GABBR1: variants seen among roughly 807,000 people sequenced by gnomAD.
GABBR1 encodes the protein GABA-B receptor, R1 subunit.
A neutral mutation model predicts 117.7 loss-of-function variants in GABBR1; 35 were observed. That is an observed-to-expected ratio of 0.30 (90% confidence interval 0.23 to 0.39). GABBR1 has a LOEUF of 0.39. GABBR1 is among the 10% of genes least tolerant of loss of function. The probability of loss-of-function intolerance (pLI) is 1.00; values close to 1 mark genes in which losing one functional copy is unlikely to be tolerated. For missense variants in GABBR1, 709 were observed against 1,241.8 expected (o/e 0.57, Z 6.45); for synonymous variants, 442 against 486.6 (o/e 0.91, Z 1.21).
chr6:29,631,375 G>A lies in GABBR1; in HGVS notation c.289+21C>T. The A allele has an allele frequency of 1.9e-6, 3 of 1,610,986 alleles. No individual in the cohort carries two copies. Among genetic ancestry groups the A allele is most frequent in the East Asian group, 2.2e-5 (1 of 44,852 alleles). On this transcript the variant is annotated intron_variant, in intron 3 of 22. Transcript: ENST00000377034. This position sits in a 1 kb window ranked among gnomAD's most constrained non-coding sequence, Gnocchi z 5.9. Reference sequence around the variant, plus strand: ...AAAAGGAATAGTCTTGAAGAGGGGAGGGGCTTCCGAGGCTACTCACCACAG... The same window carrying A: ...AAAAGGAATAGTCTTGAAGAGGGGAAGGGCTTCCGAGGCTACTCACCACAG...
chr6:29,629,125 G>C lies in GABBR1; in HGVS notation c.476-18C>G, dbSNP rs759090902. On this transcript the variant is annotated intron_variant, in intron 4 of 22. Coordinates refer to ENST00000377034, the MANE Select transcript of GABBR1 (RefSeq NM_001470.4). ...TCGATTCACTGGCAGCAGGAAAGAC[G>C]GGGATCAGAGAAGAGTTACCACTGG... The C allele has an allele frequency of 2.5e-6, 4 of 1,612,924 alleles. No homozygotes were observed. The highest frequency in any genetic ancestry group is 1.1e-5 in the South Asian group (1 of 91,080).
At chr6:29,616,516 T>C (rs1046686411) in intron 11 of GABBR1, among the ~76,000 whole-genome samples, 1 of 150,244 alleles carries the variant, frequency 6.7e-6, no homozygotes, top group African/African-American at 2.5e-5. Flanking sequence ...AAACCCCATG[T>C]CCACTAAAAA....
In GABBR1 at chr6:29,607,081, G is replaced by A. The variant is rs1282143971; in HGVS notation, c.2109+21C>T. The A allele has an allele frequency of 1.2e-6, 2 of 1,609,344 alleles. No individual in the cohort carries two copies. Among genetic ancestry groups the A allele is most frequent in the African/African-American group, 1.3e-5 (1 of 74,940 alleles). ...CCCAGGAGCCAAGGATCTGGGGGCT[G>A]AGGATTGGGCAGCAGCTCACCTTCC... On this transcript the variant is annotated intron_variant, in intron 17 of 22. Transcript: ENST00000377034. The surrounding 1 kb of genome is among the most constrained non-coding windows in gnomAD (Gnocchi z 5.0).
At chr6:29,610,220 C>G (rs1055099393) in intron 14 of GABBR1, among the ~76,000 whole-genome samples, 5 of 152,134 alleles carry the variant, frequency 3.3e-5, no homozygotes, top group Non-Finnish European at 7.4e-5. Flanking sequence ...CTTTTGTCCA[C>G]CTTCAGTTTC....
Position 29,630,213 on chromosome 6 carries a change from T to A in GABBR1, c.475+245A>T, listed in dbSNP as rs1764811936. On this transcript the variant is annotated intron_variant, in intron 4 of 22. Coordinates refer to ENST00000377034, the MANE Select transcript of GABBR1 (RefSeq NM_001470.4). The surrounding 1 kb of genome is among the most constrained non-coding windows in gnomAD (Gnocchi z 4.9). ...AAAGAGAAAACGTGAGGTCTAAGAA[T>A]CGGGAGCAGGAAGATTTTTTTAAAA... 2.3e-6 allele frequency: 1 copy of A among 442,780 alleles called. No individual in the cohort carries two copies. Among genetic ancestry groups the A allele is most frequent in the Non-Finnish European group, 4.0e-6 (1 of 248,690 alleles). 27.4% of individuals were successfully genotyped at this position (442,780 alleles called of 1,614,324 possible).
At chr6:29,629,514 G>A (rs1764741871) in intron 4 of GABBR1, among the ~76,000 whole-genome samples, 1 of 151,954 alleles carries the variant, frequency 6.6e-6, no homozygotes. Flanking sequence ...CATATCCATC[G>A]AGCCCTCTAT....
chr6:29,610,921 C>T lies in GABBR1; in HGVS notation c.1708+3G>A, dbSNP rs1236291842. On this transcript the variant is annotated splice_donor_region_variant and intron_variant, in intron 14 of 22. Coordinates refer to ENST00000377034, the MANE Select transcript of GABBR1 (RefSeq NM_001470.4). ...AAGGAAAATACAAACAAGATCCACT[C>T]ACCAATCCATTTATCTGTTTTGGAC... 2 of 1,611,304 alleles carry T rather than the reference C, an allele frequency of 1.2e-6. No individual in the cohort carries two copies. The highest frequency in any genetic ancestry group is 2.2e-5 in the South Asian group (2 of 91,038).
Position 29,631,497 on chromosome 6 carries a change from A to G in GABBR1, c.188T>C (p.Ile63Thr), listed in dbSNP as rs2127454098. The G allele has an allele frequency of 6.2e-7, 1 of 1,614,126 alleles. No homozygotes were observed. Among genetic ancestry groups the G allele is most frequent in the South Asian group, 1.1e-5 (1 of 91,070 alleles). The change falls in exon 3 of 23, where the codon ATT becomes ACT. Residue 63 changes from isoleucine to threonine, a missense_variant. By Grantham distance (89) the Ile-to-Thr change is moderately conservative. Around this residue, in one of 9 missense-constraint regions of GABBR1, gnomAD observed 101 missense variants for 132.3 expected, o/e 0.76. Coordinates refer to ENST00000377034, the MANE Select transcript of GABBR1 (RefSeq NM_001470.4). This position sits in a 1 kb window ranked among gnomAD's most constrained non-coding sequence, Gnocchi z 5.9. ...GCGCTCCCCCCGGCACACATACTCAATCTCATAGTCCACTGGCAGGAAGTT... is the reference window on the plus strand; with the variant it reads ...GCGCTCCCCCCGGCACACATACTCAGTCTCATAGTCCACTGGCAGGAAGTT... ...AINFLPVDYEIEYVCRGEREV... is the reference protein window; with the variant it reads ...AINFLPVDYETEYVCRGEREV...
At chr6:29,616,964 G>A (rs1447058659) in intron 11 of GABBR1, among the ~76,000 whole-genome samples, 8 of 141,614 alleles carry the variant, frequency 5.6e-5, no homozygotes, top group Non-Finnish European at 9.1e-5. Context: ...TGGCTAACAC[G>A]GTGAAACCCC....
chr6:29,613,219 A>G lies in GABBR1; in HGVS notation c.1566+24T>C. The G allele has an allele frequency of 6.2e-7, 1 of 1,608,578 alleles. No individual in the cohort carries two copies. Among genetic ancestry groups the G allele is most frequent in the Non-Finnish European group, 8.5e-7 (1 of 1,176,310 alleles). ...TCTCTCAAGATTGGGAAGACAGGGGAGTATGAAGGAAGTTTTAACTCACAG... is the reference window on the plus strand; with the variant it reads ...TCTCTCAAGATTGGGAAGACAGGGGGGTATGAAGGAAGTTTTAACTCACAG... On this transcript the variant is annotated intron_variant, in intron 12 of 22. Coordinates refer to ENST00000377034, the MANE Select transcript of GABBR1 (RefSeq NM_001470.4). This position sits in a 1 kb window ranked among gnomAD's most constrained non-coding sequence, Gnocchi z 4.1.
chr6:29,630,939 T>A lies in GABBR1; in HGVS notation c.290-296A>T, dbSNP rs1409299305. Among the ~76,000 whole-genome samples the A allele has an allele frequency of 6.6e-6, 1 of 152,212 alleles. No homozygotes were observed. Among genetic ancestry groups the A allele is most frequent in the Non-Finnish European group, 1.5e-5 (1 of 68,036 alleles). On this transcript the variant is annotated intron_variant, in intron 3 of 22. Transcript: ENST00000377034. The surrounding 1 kb of genome is among the most constrained non-coding windows in gnomAD (Gnocchi z 4.9). The stretch of plus-strand genomic sequence containing the variant: ...TGGGCGGTTCTCTGGCTTTGAAATA[T>A]GTAGATGTATATAACTTTGGATGCA...
Position 29,604,779 on chromosome 6 carries a change from G to A in GABBR1, c.2568+81C>T. On this transcript the variant is annotated intron_variant, in intron 21 of 22. Transcript: ENST00000377034. This position sits in a 1 kb window ranked among gnomAD's most constrained non-coding sequence, Gnocchi z 5.3. ...GAGTGAGAGGAGGGTGAACGGAAGG[G>A]CAGAGGAACTCAGTAATATAGGAAG... is the stretch of plus-strand genomic sequence containing the variant. The A allele has an allele frequency of 6.3e-7, 1 of 1,582,824 alleles. No homozygotes were observed. The highest frequency in any genetic ancestry group is 8.6e-7 in the Non-Finnish European group (1 of 1,160,446).
chr6:29,629,770 G>A lies in GABBR1; in HGVS notation c.476-663C>T, dbSNP rs886777096. The A allele has an allele frequency of 3.0e-4, 45 of 148,316 alleles. 1 individual carries two copies. Among genetic ancestry groups the A allele is most frequent in the African/African-American group, 1.1e-3 (44 of 39,974 alleles). The allele number at this position is 148,316 out of a possible 1,614,324, so 9.2% of individuals were successfully genotyped here. A position where few individuals can be genotyped will look rare whatever the true frequency, so the allele number is the denominator to read the frequency against. ...ATCCCAGGAGAGAAGATGGCAGAGAGTTCGGGTGCCTAGAAAAGGGAGAGT... is the reference window on the plus strand; with the variant it reads ...ATCCCAGGAGAGAAGATGGCAGAGAATTCGGGTGCCTAGAAAAGGGAGAGT... On this transcript the variant is annotated intron_variant, in intron 4 of 22. Coordinates refer to ENST00000377034, the MANE Select transcript of GABBR1 (RefSeq NM_001470.4).
rs1426872252 is a variant in GABBR1, at chr6:29,603,407, A to T, written c.*136T>A. On this transcript the variant is annotated 3_prime_UTR_variant, in exon 23 of 23. Transcript: ENST00000377034. ...AAATCAGCCCAGAACTCACAGGGGG[A>T]CATGTATTTACAAGAGATGAGATTG... The T allele has an allele frequency of 1.3e-6, 1 of 782,262 alleles. No individual in the cohort carries two copies. The highest frequency in any genetic ancestry group is 1.5e-5 in the South Asian group (1 of 68,224). 48.5% of individuals were successfully genotyped at this position (782,262 alleles called of 1,614,324 possible). A position where few individuals can be genotyped will look rare whatever the true frequency, so the allele number is the denominator to read the frequency against.
At position 29,631,759 on chromosome 6, in the gene GABBR1, A is replaced by G. The variant is rs531882519; in HGVS notation, c.86-160T>C. Reference sequence around the variant, plus strand: ...CTAGAGGGTGGGAGTGGGGACAGGTACAGATCCCCTGGCTAAAGGACAGAG... The same window carrying G: ...CTAGAGGGTGGGAGTGGGGACAGGTGCAGATCCCCTGGCTAAAGGACAGAG... On this transcript the variant is annotated intron_variant, in intron 2 of 22. Transcript: ENST00000377034. The surrounding 1 kb of genome is among the most constrained non-coding windows in gnomAD (Gnocchi z 5.9). 3.3e-5 allele frequency among the ~76,000 whole-genome samples: 5 copies of G among 152,232 alleles called. No individual in the cohort carries two copies. Among genetic ancestry groups the G allele is most frequent in the African/African-American group, 1.2e-4 (5 of 41,538 alleles).
intron 11 of GABBR1, among the ~76,000 whole-genome samples, chr6:29,619,713 T>C (rs192168410): frequency 3.9e-4 from 60 of 152,018 alleles, no homozygotes; most frequent in Middle Eastern, 3.4e-3. Context: ...GAAGCAACGA[T>C]TGGCAAGTCC....
In GABBR1 at chr6:29,627,075, C is replaced by A. The variant is rs1764346274; in HGVS notation, c.657+411G>T. Among the ~76,000 whole-genome samples the A allele has an allele frequency of 1.3e-5, 2 of 152,090 alleles. No homozygotes were observed. The highest frequency in any genetic ancestry group is 2.9e-5 in the Non-Finnish European group (2 of 68,012). ...CTACGCCAAGATTTTACCTTGTTAC[C>A]ATGGTAAATGTAAACCCCCAATCCA... On this transcript the variant is annotated intron_variant, in intron 6 of 22. Transcript: ENST00000377034. This position sits in a 1 kb window ranked among gnomAD's most constrained non-coding sequence, Gnocchi z 4.4.
At chr6:29,617,301 C>CTTTTTTTTTTTTTTTT (rs373993426) in intron 11 of GABBR1, among the ~76,000 whole-genome samples, 2 of 119,876 alleles carry the variant, frequency 1.7e-5, no homozygotes, top group African/African-American at 6.3e-5. Context: ...TTCTTTCTTT[C>CTTTTTTTTTTTTTTTT]TTTTTTTTTT....
At chr6:29,608,518 A>C in intron 16 of GABBR1, 83 bp downstream of exon 16, 3 of 1,410,214 alleles carry the variant, frequency 2.1e-6, no homozygotes, top group Non-Finnish European at 2.0e-6. Flanking sequence ...GAGGAAGGGC[A>C]GAGAATCATA....
Sources: gnomAD v4.1 joint callset for allele counts (sites outside exome capture counted in the v4.1 genomes callset) on GRCh38, gnomAD v4.1.1 for gene constraint, gnomAD v4.1.1 regional missense constraint, Gnocchi (gnomAD v3.1) non-coding constraint, MANE v1.5 for transcripts, NCBI Gene and HGNC (gene_info 2026-07-23, HGNC 2026-07-21) for gene names.